LRCH2: variants seen among roughly 807,000 people sequenced by gnomAD.
LRCH2 encodes leucine-rich repeat and calponin homology domain-containing protein 2.
A neutral mutation model predicts 68.9 loss-of-function variants in LRCH2; 38 were observed. The observed-to-expected ratio is 0.55, with a 90% CI of 0.43 to 0.72. The LOEUF (loss-of-function observed/expected upper bound fraction) is 0.72, where lower values mean the gene tolerates loss of function less well. Among genes scored for constraint, LRCH2 ranks in the 30% least tolerant of loss-of-function variants. LRCH2 has a pLI of 0.00. For synonymous variants in LRCH2, 191 were observed against 208.1 expected (o/e 0.92, Z 0.71); for missense variants, 528 against 572.9 (o/e 0.92, Z 0.80).
At chrX:115,141,642 G>C (rs1226808785) in intron 14 of LRCH2, among the ~76,000 whole-genome samples, 1 of 109,700 alleles carries the variant, frequency 9.1e-6, no homozygotes, top group Non-Finnish European at 1.9e-5. Flanking sequence ...GAGGGGGGTG[G>C]ATCACTTGAG....
intron 12 of LRCH2, among the ~76,000 whole-genome samples, chrX:115,151,314 T>C (rs2072430194): frequency 9.0e-6 from 1 of 110,679 alleles, no homozygotes; most frequent in Non-Finnish European, 1.9e-5. Flanking sequence ...TTTAAGATCA[T>C]TGTGAAAGTA....
At chrX:115,178,728 T>C (rs1556551610) in intron 5 of LRCH2, among the ~76,000 whole-genome samples, 1 of 111,893 alleles carries the variant, frequency 8.9e-6, no homozygotes, top group Non-Finnish European at 1.9e-5. Context: ...TGTACTTTTG[T>C]AGGAAGAAAA....
intron 12 of LRCH2, among the ~76,000 whole-genome samples, chrX:115,152,718 A>G (rs193037975): frequency 9.0e-6 from 1 of 110,855 alleles, no homozygotes; most frequent in Admixed American, 9.7e-5. Flanking sequence ...GGGCCCCAAA[A>G]TTTCAAATTT....
chrX:115,130,175 T>C lies in LRCH2; in HGVS notation c.1720A>G (p.Ser574Gly), dbSNP rs1556529483. The C allele has an allele frequency of 9.6e-7, 1 of 1,039,924 alleles. No homozygotes were observed. Among genetic ancestry groups the C allele is most frequent in the Non-Finnish European group, 1.3e-6 (1 of 762,130 alleles). 85.7% of individuals were successfully genotyped at this position (1,039,924 alleles called of 1,213,427 possible). ...FKYKSMRKSS[S>G]GNENDEQDSD... is the part of the protein sequence containing the mutation. ...CTCACCTCATCATTTTCATTGCCAC[T>C]TGAACTCTTCCTCATTGATTTATAC... Residue 574 changes from serine to glycine, a missense_variant, in exon 15 of 21, where the codon AGT (serine) becomes GGT (glycine). Ser to Gly is a moderately conservative substitution (Grantham distance 56). Coordinates refer to ENST00000317135, the MANE Select transcript of LRCH2 (RefSeq NM_020871.4).
chrX:115,192,365 A>ACCGCTACGGAGGAGGAGG lies in LRCH2; in HGVS notation c.350-4013_350-3996dup, dbSNP rs1199787002. On this transcript the variant is annotated intron_variant, in intron 1 of 20. Transcript: ENST00000317135. ...TCCATCAAGAGTTACGGCCTGAGCG[A>ACCGCTACGGAGGAGGAGG]CCGCTACGGAGGAGGAGGCCACTAC... The ACCGCTACGGAGGAGGAGG allele has an allele frequency of 6.0e-5, 70 of 1,159,127 alleles. No homozygotes were observed. The East Asian group carries it at 2.3e-3, about 38-fold the overall frequency.
At chrX:115,225,321 T>C (rs1176995399) in intron 1 of LRCH2, among the ~76,000 whole-genome samples, 1 of 111,057 alleles carries the variant, frequency 9.0e-6, no homozygotes, top group Admixed American at 9.6e-5. Flanking sequence ...GTGCAAAACT[T>C]CTGCTTCTGA....
intron 14 of LRCH2, among the ~76,000 whole-genome samples, 183 bp from the exon 15 acceptor site, chrX:115,130,382 T>C (rs1160272763): frequency 8.9e-6 from 1 of 112,040 alleles, no homozygotes; most frequent in African/African-American, 3.2e-5. Flanking sequence ...ATGCTTTCCA[T>C]GTGCAAGGCA....
intron 14 of LRCH2, among the ~76,000 whole-genome samples, chrX:115,149,341 T>C (rs1259384846): frequency 9.0e-6 from 1 of 111,650 alleles, no homozygotes; most frequent in Non-Finnish European, 1.9e-5. Flanking sequence ...GATCTGAGCT[T>C]TTCTTTTAGC....
At chrX:115,200,728 A>G (rs181460913) in intron 1 of LRCH2, among the ~76,000 whole-genome samples, 103 of 111,101 alleles carry the variant, frequency 9.3e-4, no homozygotes, top group African/African-American at 3.2e-3. Flanking sequence ...AAATATAAAA[A>G]GAAGGAATAC....
chrX:115,233,601 A>G, intron 1 of LRCH2, 92 bp downstream of exon 1: 1 of 933,102 alleles, frequency 1.1e-6, no homozygotes, highest in Non-Finnish European at 1.4e-6. Flanking sequence ...GCACCCGCCC[A>G]GACCCGCAGA....
intron 1 of LRCH2, among the ~76,000 whole-genome samples, chrX:115,227,599 A>C: frequency 9.2e-6 from 1 of 108,935 alleles, no homozygotes; most frequent in East Asian, 2.8e-4. Context: ...CCATTGACAT[A>C]GACATCCCCA....
intron 1 of LRCH2, among the ~76,000 whole-genome samples, chrX:115,215,137 A>G (rs1255806537): frequency 8.9e-6 from 1 of 112,420 alleles, no homozygotes; most frequent in African/African-American, 3.2e-5. Flanking sequence ...TAAAATCCAG[A>G]TGGAAGAAAA....
In LRCH2 at chrX:115,112,224, G is replaced by T. The variant is rs901180627; in HGVS notation, c.*992C>A. On this transcript the variant is annotated 3_prime_UTR_variant, in exon 21 of 21. Coordinates refer to ENST00000317135, the MANE Select transcript of LRCH2 (RefSeq NM_020871.4). ...CAGCACTGATAGAATGCTGCTCAAA[G>T]GGAAGATATAAACCCAAACTTTGGC... The T allele has an allele frequency of 9.0e-6, 1 of 111,540 alleles. No individual in the cohort carries two copies. Among genetic ancestry groups the T allele is most frequent in the Admixed American group, 9.6e-5 (1 of 10,440 alleles). 9.2% of individuals were successfully genotyped at this position (111,540 alleles called of 1,213,427 possible).
rs191346601 is a variant in LRCH2 at position 115,192,213 on chromosome X, C to T, written c.350-3843G>A. The T allele has an allele frequency of 5.3e-3, 6,142 of 1,162,973 alleles. 186 individuals carry two copies. In the African/African-American group the frequency reaches 0.096, roughly 18 times the overall value. On this transcript the variant is annotated intron_variant, in intron 1 of 20. Transcript: ENST00000317135. The stretch of plus-strand genomic sequence containing the variant: ...ACCAAGGCCGCTCGCCCAATGCCTA[C>T]GGCGGGGGCCGCGGCCTCAACAGTT...
At chrX:115,140,861 A>T (rs1401288285) in intron 14 of LRCH2, among the ~76,000 whole-genome samples, 1 of 111,301 alleles carries the variant, frequency 9.0e-6, no homozygotes, top group Non-Finnish European at 1.9e-5. Context: ...ATGTAAATGA[A>T]CTAAACTATT....
At chrX:115,205,220 C>A (rs373336511) in intron 1 of LRCH2, among the ~76,000 whole-genome samples, 71 of 111,783 alleles carry the variant, frequency 6.4e-4, no homozygotes, top group Middle Eastern at 4.6e-3. Flanking sequence ...CCAATCACCT[C>A]CTACCAGGTC....
intron 20 of LRCH2, among the ~76,000 whole-genome samples, chrX:115,117,867 T>C (rs1045717162): frequency 5.4e-5 from 6 of 110,895 alleles, no homozygotes; most frequent in African/African-American, 1.3e-4. Context: ...GATGATTTCA[T>C]GGTGTATGCA....
At chrX:115,130,891 G>A (rs1358827836) in intron 14 of LRCH2, among the ~76,000 whole-genome samples, 1 of 110,421 alleles carries the variant, frequency 9.1e-6, no homozygotes, top group Non-Finnish European at 1.9e-5. Context: ...AATACAGTAT[G>A]ACAACCACTG....
At chrX:115,220,534 A>C (rs1556573142) in intron 1 of LRCH2, among the ~76,000 whole-genome samples, 2 of 111,589 alleles carry the variant, frequency 1.8e-5, no homozygotes, top group Non-Finnish European at 1.9e-5. Context: ...TTAACTTTGC[A>C]CATGGCTAAT....
Sources: allele counts gnomAD v4.1 joint callset (sites outside exome capture counted in the v4.1 genomes callset), GRCh38; gene constraint gnomAD v4.1.1; transcripts MANE v1.5; gene names NCBI Gene and HGNC (gene_info 2026-07-23, HGNC 2026-07-21).